Variants in SRPK2 observed in about 807,000 individuals in gnomAD.
The protein encoded by SRPK2 is SFRS protein kinase 2.
In SRPK2, 21 loss-of-function variants were observed where a neutral mutation model predicts 90.8. The observed-to-expected ratio is 0.23, with a 90% CI of 0.16 to 0.33. The LOEUF is 0.33. SRPK2 is among the 10% of genes least tolerant of loss of function. The probability of loss-of-function intolerance (pLI) is 1.00; values close to 1 mark genes in which losing one functional copy is unlikely to be tolerated. For synonymous variants in SRPK2, 288 were observed against 311.1 expected (o/e 0.93, Z 0.78); for missense variants, 620 against 869.0 (o/e 0.71, Z 3.60).
intron 2 of SRPK2, among the ~76,000 whole-genome samples, chr7:105,300,157 A>G (rs1810351696): frequency 6.7e-6 from 1 of 149,320 alleles, no homozygotes; most frequent in Non-Finnish European, 1.5e-5. Flanking sequence ...GGAGGGTGAG[A>G]CAGGAGAATT....
chr7:105,120,279 G>C (rs1800151531), intron 15 of SRPK2, among the ~76,000 whole-genome samples: 1 of 152,176 alleles, frequency 6.6e-6, no homozygotes, highest in Admixed American at 6.5e-5. Context: ...AGCACTGTGT[G>C]CTGAGAATAG....
At chr7:105,384,864 A>T (rs892261180) in intron 2 of SRPK2, among the ~76,000 whole-genome samples, 4 of 148,478 alleles carry the variant, frequency 2.7e-5, no homozygotes, top group Non-Finnish European at 1.5e-5. Flanking sequence ...CCCACAATCT[A>T]TTCTCCACAT....
intron 2 of SRPK2, among the ~76,000 whole-genome samples, chr7:105,278,400 G>C (rs532598546): frequency 6.6e-6 from 1 of 151,404 alleles, no homozygotes; most frequent in Non-Finnish European, 1.5e-5. Flanking sequence ...GAGGCTGGGC[G>C]CAGTGGCTCA....
At chr7:105,223,757 C>T (rs1798380262) in intron 2 of SRPK2, among the ~76,000 whole-genome samples, 1 of 152,158 alleles carries the variant, frequency 6.6e-6, no homozygotes, top group African/African-American at 2.4e-5. Context: ...TCAAGCTATA[C>T]TCAGAAAGCA....
At chr7:105,159,648 A>C (rs1807263104) in intron 7 of SRPK2, among the ~76,000 whole-genome samples, 1 of 152,076 alleles carries the variant, frequency 6.6e-6, no homozygotes, top group African/African-American at 2.4e-5. Context: ...ATGGGCAAAC[A>C]CTGCTAATTA....
At chr7:105,223,423 C>T (rs778374894) in intron 2 of SRPK2, among the ~76,000 whole-genome samples, 2 of 152,192 alleles carry the variant, frequency 1.3e-5, no homozygotes, top group African/African-American at 4.8e-5. Flanking sequence ...TACCTCCCTG[C>T]CCAAGTGTCA....
At chr7:105,179,602 A>T (rs1054679452) in intron 3 of SRPK2, among the ~76,000 whole-genome samples, 1 of 152,114 alleles carries the variant, frequency 6.6e-6, no homozygotes, top group Admixed American at 6.6e-5. Flanking sequence ...AGGCAGGCGG[A>T]TCCCTTGAGG....
chr7:105,289,388 C>G (rs921534811), intron 2 of SRPK2, among the ~76,000 whole-genome samples: 2 of 152,160 alleles, frequency 1.3e-5, no homozygotes, highest in Non-Finnish European at 1.5e-5. Flanking sequence ...TCCAGGATAT[C>G]ACAGGTTCAA....
At chr7:105,374,771 A>G (rs1369220815) in intron 2 of SRPK2, among the ~76,000 whole-genome samples, 1 of 152,058 alleles carries the variant, frequency 6.6e-6, no homozygotes, top group African/African-American at 2.4e-5. Flanking sequence ...CACCACGCCC[A>G]GCTATTTTTG....
chr7:105,217,247 TACAA>T (rs1168658955), intron 2 of SRPK2, among the ~76,000 whole-genome samples: 2 of 152,136 alleles, frequency 1.3e-5, no homozygotes, highest in African/African-American at 4.8e-5. Context: ...TTGAGAAGGT[TACAA>T]ACAGTTAATT....
chr7:105,268,683 C>A, intron 2 of SRPK2: 1 of 1,132,390 alleles, frequency 8.8e-7, no homozygotes, highest in Non-Finnish European at 1.2e-6. Flanking sequence ...TTCAATACAG[C>A]ACAATACCAG....
intron 2 of SRPK2, among the ~76,000 whole-genome samples, chr7:105,267,425 T>C (rs762501751): frequency 6.6e-6 from 1 of 152,200 alleles, no homozygotes; most frequent in African/African-American, 2.4e-5. Flanking sequence ...CACCCTCTTC[T>C]ACCCTTCCCA....
chr7:105,281,371 C>T (rs1488140773), intron 2 of SRPK2, among the ~76,000 whole-genome samples: 1 of 152,182 alleles, frequency 6.6e-6, no homozygotes, highest in African/African-American at 2.4e-5. Context: ...GCTGGGATTA[C>T]AAGCATGAGC....
At chr7:105,278,009 G>A (rs545346190) in intron 2 of SRPK2, among the ~76,000 whole-genome samples, 37 of 152,302 alleles carry the variant, frequency 2.4e-4, no homozygotes, top group African/African-American at 8.7e-4. Context: ...AACATGCTAA[G>A]TGGCTCAAGA....
At chr7:105,364,858 A>C (rs1238606661) in intron 2 of SRPK2, among the ~76,000 whole-genome samples, 1 of 152,134 alleles carries the variant, frequency 6.6e-6, no homozygotes, top group Non-Finnish European at 1.5e-5. Flanking sequence ...TTAAAAGGCA[A>C]TCTCTCACTG....
chr7:105,323,194 G>GA (rs533384358), intron 2 of SRPK2, among the ~76,000 whole-genome samples: 52 of 148,714 alleles, frequency 3.5e-4, no homozygotes, highest in Non-Finnish European at 6.1e-4. Context: ...CATCCAAAAA[G>GA]AAAAAAAAAG....
chr7:105,159,467 A>AAAAAAAAAAAAAAAAAAAAC (rs1807197447), intron 7 of SRPK2, among the ~76,000 whole-genome samples: 1 of 102,070 alleles, frequency 9.8e-6, no homozygotes, highest in South Asian at 2.8e-4. Flanking sequence ...AAAAAAAAAA[A>AAAAAAAAAAAAAAAAAAAAC]AAAAAACCGT....
intron 2 of SRPK2, among the ~76,000 whole-genome samples, chr7:105,309,408 C>T (rs772828094): frequency 6.4e-4 from 97 of 152,168 alleles, no homozygotes; most frequent in Admixed American, 1.1e-3. Flanking sequence ...GATAGTTATT[C>T]AGCTAAAGGC....
At chr7:105,331,322 A>AAAAAC (rs1814328134) in intron 2 of SRPK2, among the ~76,000 whole-genome samples, 1 of 133,750 alleles carries the variant, frequency 7.5e-6, no homozygotes, top group Non-Finnish European at 1.6e-5. Context: ...AAAAAAAAAA[A>AAAAAC]AAAAAAAAAA....
Sources: allele counts gnomAD v4.1 joint callset (sites outside exome capture counted in the v4.1 genomes callset), GRCh38; gene constraint gnomAD v4.1.1; transcripts MANE v1.5; gene names NCBI Gene and HGNC (gene_info 2026-07-23, HGNC 2026-07-21).